The following DOCK6 variants were observed in gnomAD, a reference collection of about 807,000 sequenced individuals.
DOCK6 encodes the protein dedicator of cytokinesis protein 6.
In DOCK6, 167 loss-of-function variants were observed where a neutral mutation model predicts 230.3. That is an observed-to-expected ratio of 0.73 (90% CI 0.64 to 0.82). The LOEUF is 0.82. Ranked by LOEUF, DOCK6 falls within the 40% of genes least tolerant of loss-of-function variation. The probability of loss-of-function intolerance (pLI) is 0.00; values close to 1 mark genes in which losing one functional copy is unlikely to be tolerated. For synonymous variants in DOCK6, 1,148 were observed against 1,185.0 expected (o/e 0.97, Z 0.64); for missense variants, 2,598 against 2,825.8 (o/e 0.92, Z 1.83).
chr19:11,208,690 G>C lies in DOCK6; in HGVS notation c.5084C>G (p.Thr1695Ser), dbSNP rs2079306475. ...ACCCAGTCCCCAAGGCCTCACCATG[G>C]TGAAGTAGCCGGCTGCCTGTTCCAG... ...GLLEQAAGYF[T>S]MGGLYEAVNE... The change falls in exon 39 of 48, where the codon ACC (threonine) becomes AGC (serine). Residue 1695 changes from threonine (T) to serine (S), a missense_variant. Coordinates refer to ENST00000294618, the MANE Select transcript of DOCK6 (RefSeq NM_020812.4). The C allele has an allele frequency of 1.2e-6, 2 of 1,610,534 alleles. No homozygotes were observed. Among genetic ancestry groups the C allele is most frequent in the African/African-American group, 2.7e-5 (2 of 74,880 alleles).
In DOCK6 at chr19:11,237,697, G is replaced by T. The variant is rs748140232; in HGVS notation, c.1915C>A (p.His639Asn). ...CCCGGCCGGGGCTGGCAGCTGACAT[G>T]GTAGAAGGTGAACAGCAGGTGATGG... ...ENHHLLFTFYHVSCQPRPGTA... is the reference protein window; with the variant it reads ...ENHHLLFTFYNVSCQPRPGTA... Residue 639 changes from histidine (H) to asparagine (N), a missense_variant, in exon 17 of 48, where the codon CAT (histidine) becomes AAT (asparagine). Transcript: ENST00000294618. 1 of 1,593,008 alleles carries T rather than the reference G, an allele frequency of 6.3e-7. No individual in the cohort carries two copies. Among genetic ancestry groups the T allele is most frequent in the Non-Finnish European group, 8.5e-7 (1 of 1,170,388 alleles).
At chr19:11,218,896 T>G (rs1219453988) in intron 28 of DOCK6, among the ~76,000 whole-genome samples, 1 of 132,278 alleles carries the variant, frequency 7.6e-6, no homozygotes, top group Non-Finnish European at 1.6e-5. Context: ...TTTTTTTTTT[T>G]GAGGCGGAGT....
At position 11,233,151 on chromosome 19, in the gene DOCK6, G is replaced by A. The variant is rs550708713; in HGVS notation, c.2718+52C>T. Reference sequence around the variant, plus strand: ...ATCAACAGATTCTTCGCCCACACACGTGGCAACCACAACCACTGAGGCTGG... The same window carrying A: ...ATCAACAGATTCTTCGCCCACACACATGGCAACCACAACCACTGAGGCTGG... On this transcript the variant is annotated intron_variant, in intron 22 of 47. Coordinates refer to ENST00000294618, the MANE Select transcript of DOCK6 (RefSeq NM_020812.4). 2.8e-4 allele frequency: 450 copies of A among 1,590,522 alleles called. 2 individuals are homozygous for A. The South Asian group carries it at 4.7e-3, about 17-fold the overall frequency.
chr19:11,211,880 G>C lies in DOCK6; in HGVS notation c.4651-4C>G, dbSNP rs1250380599. On this transcript the variant is annotated splice_polypyrimidine_tract_variant and splice_region_variant and intron_variant, in intron 36 of 47. Coordinates refer to ENST00000294618, the MANE Select transcript of DOCK6 (RefSeq NM_020812.4). ...GGTTGAACATCAGGTCCTGGACCTG[G>C]AGCCGGGGAACGTCCAGGGGCCAAT... is the stretch of plus-strand genomic sequence containing the variant. The C allele has an allele frequency of 6.4e-7, 1 of 1,553,970 alleles. No individual in the cohort carries two copies. Among genetic ancestry groups the C allele is most frequent in the East Asian group, 2.4e-5 (1 of 41,284 alleles).
rs1568659684 is a variant in DOCK6, at chr19:11,199,520, T to G, written c.6121A>C (p.Ser2041Arg). 1 of 1,583,868 alleles carries G rather than the reference T, an allele frequency of 6.3e-7. No homozygotes were observed. The highest frequency in any genetic ancestry group is 1.8e-5 in the Admixed American group (1 of 55,156). The change falls in exon 48 of 48, where the codon AGT becomes CGT. Residue 2041 changes from serine to arginine, a missense_variant. Coordinates refer to ENST00000294618, the MANE Select transcript of DOCK6 (RefSeq NM_020812.4). Reference sequence around the variant, plus strand: ...GCTCAGAGGTCTGCCTTTCGGAAACTTGCTCTGTTCAAGGAGTTCCTGGAA... The same window carrying G: ...GCTCAGAGGTCTGCCTTTCGGAAACGTGCTCTGTTCAAGGAGTTCCTGGAA... ...PGLRNSLNRASFRKADL is the reference protein window; with the variant it reads ...PGLRNSLNRARFRKADL
At position 11,204,325 on chromosome 19, in the gene DOCK6, G is replaced by C. The variant is rs1274791700; in HGVS notation, c.5095C>G (p.Leu1699Val). Reference protein sequence around the residue: ...QAAGYFTMGGLYEAVNEVYKN... With the variant: ...QAAGYFTMGGVYEAVNEVYKN... Reference sequence around the variant, plus strand: ...TAGACCTCATTCACCGCCTCGTAGAGCCCGCCCTGAGGGTGAGGTGGGGTC... The same window carrying C: ...TAGACCTCATTCACCGCCTCGTAGACCCCGCCCTGAGGGTGAGGTGGGGTC... Residue 1699 changes from leucine to valine, a missense_variant, in exon 40 of 48, where the codon CTC becomes GTC. Coordinates refer to ENST00000294618, the MANE Select transcript of DOCK6 (RefSeq NM_020812.4). 1 of 1,611,656 alleles carries C rather than the reference G, an allele frequency of 6.2e-7. No homozygotes were observed. Among genetic ancestry groups the C allele is most frequent in the Non-Finnish European group, 8.5e-7 (1 of 1,178,940 alleles).
chr19:11,202,551 T>C lies in DOCK6; in HGVS notation c.5361+33A>G. The stretch of plus-strand genomic sequence containing the variant: ...CTACTCCAGCCCCAAGGCAGCCCCA[T>C]GCCCCGTTCCACCCCCAACCACAAG... On this transcript the variant is annotated intron_variant, in intron 42 of 47. Transcript: ENST00000294618. The surrounding 1 kb of genome is among the most constrained non-coding windows in gnomAD (Gnocchi z 5.3). 1 of 1,613,860 alleles carries C rather than the reference T, an allele frequency of 6.2e-7. No individual in the cohort carries two copies. Among genetic ancestry groups the C allele is most frequent in the Non-Finnish European group, 8.5e-7 (1 of 1,179,884 alleles).
chr19:11,262,270 C>T, intron 1 of DOCK6, 127 bp downstream of exon 1: 2 of 570,830 alleles, frequency 3.5e-6, no homozygotes, highest in African/African-American at 2.0e-5. Flanking sequence ...CCGGAGGAAG[C>T]TGGCGGGACC....
chr19:11,220,205 C>T (rs1261193009), intron 28 of DOCK6, among the ~76,000 whole-genome samples: 1 of 152,072 alleles, frequency 6.6e-6, no homozygotes, highest in Non-Finnish European at 1.5e-5. Context: ...CCACCTGCCT[C>T]GGCCTCCCAA....
intron 16 of DOCK6, 57 bp from the exon 17 acceptor site, chr19:11,237,836 A>G: frequency 6.6e-7 from 1 of 1,523,396 alleles, no homozygotes; most frequent in Non-Finnish European, 8.9e-7. Context: ...TGTCTGCCCC[A>G]TCACCTCTGC....
intron 41 of DOCK6, 36 bp downstream of exon 41, chr19:11,204,045 C>G (rs1310704148): frequency 1.3e-6 from 2 of 1,549,264 alleles, no homozygotes; most frequent in African/African-American, 2.7e-5. Context: ...CACGGGGGTC[C>G]CAGAGGCAGG....
At chr19:11,240,562 C>G (rs1315414992) in intron 14 of DOCK6, among the ~76,000 whole-genome samples, 2 of 151,466 alleles carry the variant, frequency 1.3e-5, no homozygotes, top group Non-Finnish European at 2.9e-5. Context: ...GGCGGGCACA[C>G]AGTTGGTGCT....
rs76712266 is a variant in DOCK6 at position 11,253,863 on chromosome 19, C to T, written c.45-137G>A. 8.3e-3 allele frequency: 5,032 copies of T among 608,318 alleles called. 317 individuals are homozygous for T. The East Asian group carries it at 0.14, about 17-fold the overall frequency. The allele number at this position is 608,318 out of a possible 1,614,324, so 37.7% of individuals were successfully genotyped here. On this transcript the variant is annotated intron_variant, in intron 1 of 47. Transcript: ENST00000294618. The stretch of plus-strand genomic sequence containing the variant: ...GCCAAGAGAACCAGGAGTGCTGAGG[C>T]TTTAAGGGCCCACAGCTCCCCAGTT...
At chr19:11,258,396 A>G (rs529331440) in intron 1 of DOCK6, among the ~76,000 whole-genome samples, 1 of 151,652 alleles carries the variant, frequency 6.6e-6, no homozygotes, top group Admixed American at 6.6e-5. Flanking sequence ...TTTGCTTTCA[A>G]ATTATTCTTT....
chr19:11,223,807 TA>T (rs1373166009), intron 24 of DOCK6, among the ~76,000 whole-genome samples: 1 of 152,004 alleles, frequency 6.6e-6, no homozygotes, highest in African/African-American at 2.4e-5. Context: ...CCACCACGCC[TA>T]GCTAATTTTT....
rs2079871565 is a variant in DOCK6 at position 11,237,656 on chromosome 19, T to C, written c.1956A>G (p.Thr652=). 6.3e-7 allele frequency: 1 copy of C among 1,596,934 alleles called. No homozygotes were observed. The highest frequency in any genetic ancestry group is 8.5e-7 in the Non-Finnish European group (1 of 1,172,576). ...CQPRPGTALE[T]PVGFTWIPLL... Reference sequence around the variant, plus strand: ...GACGGCTCACAGTAAAGCCCACGGGTGTCTCCAGGGCAGTGCCCGGCCGGG... The same window carrying C: ...GACGGCTCACAGTAAAGCCCACGGGCGTCTCCAGGGCAGTGCCCGGCCGGG... Residue 652 remains threonine, a synonymous_variant, in exon 17 of 48, where the codon ACA becomes ACG. Coordinates refer to ENST00000294618, the MANE Select transcript of DOCK6 (RefSeq NM_020812.4).
At chr19:11,249,867 C>A in intron 6 of DOCK6, among the ~76,000 whole-genome samples, 1 of 120,128 alleles carries the variant, frequency 8.3e-6, no homozygotes, top group East Asian at 2.5e-4. Flanking sequence ...CACTGCAGTC[C>A]AGCCTGGGCG....
chr19:11,251,186 TGA>T, intron 5 of DOCK6, 100 bp from the exon 6 acceptor site: 1 of 1,258,816 alleles, frequency 7.9e-7, no homozygotes, highest in Non-Finnish European at 1.1e-6. Flanking sequence ...ATGGGGAAAT[TGA>T]GGGTCAGGGG....
At chr19:11,253,522 T>C in intron 2 of DOCK6, 117 bp downstream of exon 2, 1 of 621,742 alleles carries the variant, frequency 1.6e-6, no homozygotes, top group Non-Finnish European at 2.5e-6. Context: ...TCCCTCTCGG[T>C]TTCCCCCCAG....
Sources: allele counts gnomAD v4.1 joint callset (sites outside exome capture counted in the v4.1 genomes callset), GRCh38; gene constraint gnomAD v4.1.1; non-coding constraint Gnocchi (gnomAD v3.1); transcripts MANE v1.5; gene names NCBI Gene and HGNC (gene_info 2026-07-23, HGNC 2026-07-21).